ABCC6: variants seen among roughly 807,000 people sequenced by gnomAD.
The protein encoded by ABCC6 is ATP binding cassette subfamily C member 6, also known as ATP-binding cassette sub-family C member 6.
A neutral mutation model predicts 169.5 loss-of-function variants in ABCC6; 126 were observed. The observed-to-expected ratio is 0.74, with a 90% CI of 0.64 to 0.86. The LOEUF is 0.86. Among genes scored for constraint, ABCC6 ranks in the 40% least tolerant of loss-of-function variants. ABCC6 has a pLI of 0.00. For missense variants in ABCC6, 1,733 were observed against 1,927.2 expected (o/e 0.90, Z 1.89); for synonymous variants, 752 against 814.7 (o/e 0.92, Z 1.31).
intron 24 of ABCC6, 21 bp downstream of exon 24, chr16:16,162,972 C>A (rs371304221): frequency 6.2e-7 from 1 of 1,613,850 alleles, no homozygotes; most frequent in Admixed American, 1.7e-5. Flanking sequence ...GCAAGGTCTT[C>A]TCTGCCCTGG....
intron 20 of ABCC6, among the ~76,000 whole-genome samples, chr16:16,174,724 T>C (rs1596638540): frequency 7.5e-6 from 1 of 133,538 alleles, no homozygotes; most frequent in Non-Finnish European, 1.6e-5. Context: ...GCCATTGCAC[T>C]CCAGCCTGGG....
intron 7 of ABCC6, among the ~76,000 whole-genome samples, chr16:16,208,115 C>T (rs927331418): frequency 2.0e-5 from 3 of 152,116 alleles, no homozygotes; most frequent in Admixed American, 6.5e-5. Flanking sequence ...CCCAACCCTC[C>T]ACCCCGGCCT....
chr16:16,174,296 A>C (rs1567491947), intron 20 of ABCC6, among the ~76,000 whole-genome samples: 1 of 151,596 alleles, frequency 6.6e-6, no homozygotes, highest in Non-Finnish European at 1.5e-5. Flanking sequence ...CAATAAAGCA[A>C]ACGCTGAGCT....
chr16:16,159,960 A>G (rs2046663761), intron 25 of ABCC6, among the ~76,000 whole-genome samples: 1 of 151,902 alleles, frequency 6.6e-6, no homozygotes, highest in South Asian at 2.1e-4. Context: ...GTGGCCACCA[A>G]TTTCCCATGA....
At chr16:16,205,572 G>T (rs1476721892) in intron 7 of ABCC6, among the ~76,000 whole-genome samples, 1 of 151,964 alleles carries the variant, frequency 6.6e-6, no homozygotes, top group Non-Finnish European at 1.5e-5. Context: ...TTACTGAGTG[G>T]GTGTGGCCTG....
intron 10 of ABCC6, among the ~76,000 whole-genome samples, chr16:16,196,104 G>A (rs921589346): frequency 1.3e-5 from 2 of 151,778 alleles, no homozygotes; most frequent in Non-Finnish European, 2.9e-5. Context: ...CAGCTACTCA[G>A]GAGGCTGAGG....
chr16:16,195,303 AT>A (rs61393724), intron 10 of ABCC6, among the ~76,000 whole-genome samples: 13,187 of 96,332 alleles, frequency 0.14, 814 homozygotes, highest in Non-Finnish European at 0.19. Context: ...GTCTCATCTA[AT>A]TTTTTTTTTT....
At chr16:16,194,392 C>A (rs1050884394) in intron 10 of ABCC6, among the ~76,000 whole-genome samples, 1 of 152,224 alleles carries the variant, frequency 6.6e-6, no homozygotes, top group Admixed American at 6.5e-5. Flanking sequence ...CTGAGAAATT[C>A]TTCCGTTTGT....
chr16:16,159,483 T>A lies in ABCC6; in HGVS notation c.3734A>T (p.Glu1245Val). The A allele has an allele frequency of 6.2e-7, 1 of 1,605,446 alleles. No individual in the cohort carries two copies. Reference protein sequence around the residue: ...RMQDYAWTPKEAPWRLPTCAA... With the variant: ...RMQDYAWTPKVAPWRLPTCAA... Reference sequence around the variant, plus strand: ...CCCTCCCCACCTCCCGCCCATCACCTCCTTGGGCGTCCAGGCATAGTCCTG... The same window carrying A: ...CCCTCCCCACCTCCCGCCCATCACCACCTTGGGCGTCCAGGCATAGTCCTG... Residue 1245 changes from glutamate to valine, a missense_variant and splice_region_variant, in exon 26 of 31, where the codon GAG (glutamate) becomes GTG (valine). Around this residue, in one of 5 missense-constraint regions of ABCC6, gnomAD observed 1,601 missense variants for 1,635.5 expected, o/e 0.98. Transcript: ENST00000205557.
chr16:16,159,396 G>A (rs914408711), intron 26 of ABCC6, 86 bp downstream of exon 26: 5 of 1,272,068 alleles, frequency 3.9e-6, no homozygotes, highest in Middle Eastern at 1.8e-4. Context: ...AAACTCCAAA[G>A]CCTGTAGCAG....
intron 27 of ABCC6, chr16:16,155,362 ATCTG>A (rs2046518955): frequency 2.1e-5 from 5 of 240,926 alleles, no homozygotes; most frequent in Admixed American, 1.4e-4. Context: ...CATCCCATCC[ATCTG>A]TCTGTCCGTC....
At position 16,198,145 on chromosome 16, in the gene ABCC6, G is replaced by T; in HGVS notation, c.1214C>A (p.Ala405Glu). ...CACCAGATTGACCACATCACCCACC[G>T]CACTGGCCTTTCTGGAGCCGCTGGA... ...ALSSGSRKAS[A>E]VGDVVNLVSV... The change falls in exon 10 of 31, where the codon GCG becomes GAG. Residue 405 changes from alanine (A) to glutamate (E), a missense_variant. Ala to Glu is a moderately radical substitution (Grantham distance 107, BLOSUM62 -1). This residue lies in a region of ABCC6 where 1,601 missense variants were observed against 1,635.5 expected (regional missense o/e 0.98). Transcript: ENST00000205557. 2.5e-6 allele frequency: 4 copies of T among 1,609,146 alleles called. No individual in the cohort carries two copies. The highest frequency in any genetic ancestry group is 3.4e-6 in the Non-Finnish European group (4 of 1,177,698).
chr16:16,177,798 C>T (rs2047332314), intron 18 of ABCC6, among the ~76,000 whole-genome samples, 172 bp from the exon 19 acceptor site: 1 of 151,772 alleles, frequency 6.6e-6, no homozygotes, highest in Non-Finnish European at 1.5e-5. Context: ...CAAAAATTAG[C>T]TAGGTGAGGT....
intron 6 of ABCC6, 149 bp from the exon 7 acceptor site, chr16:16,209,008 C>T: frequency 1.3e-6 from 1 of 744,586 alleles, no homozygotes; most frequent in South Asian, 1.8e-5. Context: ...AATTCACTAA[C>T]CCCACCTAAT....
Position 16,150,638 on chromosome 16 carries a change from A to C in ABCC6, c.4343T>G (p.Phe1448Cys), listed in dbSNP as rs1412814821. Residue 1448 changes from phenylalanine (F) to cysteine (C), a missense_variant, in exon 30 of 31, where the codon TTT becomes TGT. Transcript: ENST00000205557. ...AATGAGCAGCACAGTGCACTGTGCA[A>C]ACCAGCTCCCGAGCATGGCCTGCAT... ...LQMQAMLGSWFAQCTVLLIAH... is the reference protein window; with the variant it reads ...LQMQAMLGSWCAQCTVLLIAH... The C allele has an allele frequency of 1.2e-6, 2 of 1,613,520 alleles. No individual in the cohort carries two copies. Among genetic ancestry groups the C allele is most frequent in the East Asian group, 4.5e-5 (2 of 44,870 alleles).
chr16:16,154,611 T>C lies in ABCC6; in HGVS notation c.4208+17A>G. ...CTCTCCCACCTGCAGGTCCCAGCCA[T>C]GGTGGGACGACCATACCTCAGGTCC... On this transcript the variant is annotated intron_variant, in intron 29 of 30. Transcript: ENST00000205557. The C allele has an allele frequency of 6.2e-7, 1 of 1,611,378 alleles. No individual in the cohort carries two copies. Among genetic ancestry groups the C allele is most frequent in the South Asian group, 1.1e-5 (1 of 90,932 alleles).
intron 22 of ABCC6, among the ~76,000 whole-genome samples, chr16:16,167,744 C>T (rs973039515): frequency 4.6e-5 from 7 of 152,234 alleles, no homozygotes; most frequent in African/African-American, 1.7e-4. Context: ...GCTGGGATTA[C>T]AGGCATGAGC....
chr16:16,169,864 CAT>C lies in ABCC6; in HGVS notation c.2788-13_2788-12del, dbSNP rs760411795. 2.2e-5 allele frequency: 34 copies of C among 1,550,924 alleles called. No homozygotes were observed. The Admixed American group carries it at 4.5e-4, about 21-fold the overall frequency. ...CACTGTGGCCTTCACCTGTAGCACA[CAT>C]GAGGGAGAGGGAGGCAGAGAGAGCC... On this transcript the variant is annotated splice_polypyrimidine_tract_variant and intron_variant, in intron 21 of 30. Transcript: ENST00000205557.
At chr16:16,171,276 T>C (rs544358193) in intron 21 of ABCC6, among the ~76,000 whole-genome samples, 50 of 152,184 alleles carry the variant, frequency 3.3e-4, no homozygotes, top group East Asian at 2.3e-3. Flanking sequence ...TGGATTGCAG[T>C]GACATGATCA....
Sources: gnomAD v4.1 joint callset for allele counts (sites outside exome capture counted in the v4.1 genomes callset) on GRCh38, gnomAD v4.1.1 for gene constraint, gnomAD v4.1.1 regional missense constraint, MANE v1.5 for transcripts, NCBI Gene and HGNC (gene_info 2026-07-23, HGNC 2026-07-21) for gene names.